Variants in TNFAIP8 observed in about 807,000 individuals in gnomAD.
TNFAIP8 encodes the protein TNF alpha induced protein 8.
Under a neutral mutation model 13.3 loss-of-function variants are expected in TNFAIP8, and 7 were observed. The observed-to-expected ratio is 0.52, with a 90% CI of 0.30 to 0.99. TNFAIP8 has a LOEUF of 0.99. TNFAIP8 is among the 50% of genes least tolerant of loss of function. The pLI, the probability that TNFAIP8 is intolerant of heterozygous loss-of-function variation, is 0.07. For missense variants in TNFAIP8, 258 were observed against 236.9 expected, an observed-to-expected ratio of 1.09 and a Z score of -0.58; for synonymous variants, 94 against 87.6, an observed-to-expected ratio of 1.07 and a Z score of -0.41.
At chr5:119,355,447 A>C, upstream of TNFAIP8, 1 of 693,570 alleles carries the variant, frequency 1.4e-6, no homozygotes, top group Non-Finnish European at 2.6e-6. Context: ...GGGACTTGTG[A>C]AATTGTGCTC....
intron 1 of TNFAIP8, among the ~76,000 whole-genome samples, chr5:119,275,376 G>C (rs1303678925): frequency 6.6e-6 from 1 of 152,180 alleles, no homozygotes; most frequent in African/African-American, 2.4e-5. Context: ...CAGTATGCCA[G>C]CTGACTTAAG....
At chr5:119,355,331 C>T (rs568665405), upstream of TNFAIP8, 1 of 702,262 alleles carries the variant, frequency 1.4e-6, no homozygotes, top group African/African-American at 1.7e-5. Context: ...CTTGGAGTAC[C>T]AGTGCTCGCC....
chr5:119,307,138 A>G (rs750649802), intron 1 of TNFAIP8, among the ~76,000 whole-genome samples: 5 of 152,218 alleles, frequency 3.3e-5, no homozygotes, highest in Non-Finnish European at 2.9e-5. Context: ...ATCAGTTCAT[A>G]TTAGGAAGGA....
intron 1 of TNFAIP8, among the ~76,000 whole-genome samples, chr5:119,380,282 A>G (rs900227030): frequency 9.2e-5 from 14 of 152,284 alleles, no homozygotes; most frequent in Admixed American, 5.2e-4. Flanking sequence ...TGTGGCCAGG[A>G]GCAACCTGAT....
intron 1 of TNFAIP8, among the ~76,000 whole-genome samples, chr5:119,285,443 CT>C (rs5870847): frequency 0.088 from 13,342 of 152,148 alleles, 822 homozygotes; most frequent in African/African-American, 0.18. Context: ...ATGAGGAATT[CT>C]GCACAAGTGG....
At position 119,374,223 on chromosome 5, in the gene TNFAIP8, A is replaced by G. The variant is rs115619213; in HGVS notation, c.31+18102A>G. 2.9e-3 allele frequency among the ~76,000 whole-genome samples: 447 copies of G among 152,172 alleles called. 2 individuals carry two copies. The highest frequency in any genetic ancestry group is 0.01 in the African/African-American group (430 of 41,496). Reference sequence around the variant, plus strand: ...TTTTTCAGATTTTTGGAATATTTGCATTATACTTACTGGTTGAGCATCCTA... The same window carrying G: ...TTTTTCAGATTTTTGGAATATTTGCGTTATACTTACTGGTTGAGCATCCTA... On this transcript the variant is annotated intron_variant, in intron 1 of 1. Transcript: ENST00000504771.
intron 1 of TNFAIP8, among the ~76,000 whole-genome samples, chr5:119,320,427 T>C (rs760685594): frequency 5.3e-5 from 8 of 152,188 alleles, no homozygotes; most frequent in Non-Finnish European, 5.9e-5. Flanking sequence ...CTCTATTCAA[T>C]GTAGCCTTCC....
At chr5:119,292,178 C>T (rs12109360) in intron 1 of TNFAIP8, among the ~76,000 whole-genome samples, 1,535 of 151,996 alleles carry the variant, frequency 0.01, 17 homozygotes, top group African/African-American at 0.035. Context: ...TAAAGGGGAG[C>T]CCCAGAAGGA....
chr5:119,317,981 G>A (rs114430473), intron 1 of TNFAIP8, among the ~76,000 whole-genome samples: 93 of 152,230 alleles, frequency 6.1e-4, no homozygotes, highest in African/African-American at 2.1e-3. Context: ...AAAGATCTTC[G>A]TCATAAATAA....
intron 1 of TNFAIP8, among the ~76,000 whole-genome samples, chr5:119,348,907 A>T (rs250309): frequency 0.21 from 28,117 of 135,256 alleles, 4,044 homozygotes; most frequent in East Asian, 0.37. Context: ...AAAAAAAAAA[A>T]GAATAGACAA....
chr5:119,341,655 A>G (rs1343917031), intron 1 of TNFAIP8, among the ~76,000 whole-genome samples: 1 of 152,036 alleles, frequency 6.6e-6, no homozygotes, highest in Non-Finnish European at 1.5e-5. Context: ...CAAAATTTTC[A>G]CCCACAGATT....
At chr5:119,268,956 C>T in intron 1 of TNFAIP8, 1 of 672,916 alleles carries the variant, frequency 1.5e-6, no homozygotes, top group Non-Finnish European at 2.7e-6. Context: ...CAGCGCGCCT[C>T]TCCCGCCGCT....
At chr5:119,281,988 A>G (rs1283528663) in intron 1 of TNFAIP8, among the ~76,000 whole-genome samples, 1 of 152,184 alleles carries the variant, frequency 6.6e-6, no homozygotes, top group Non-Finnish European at 1.5e-5. Context: ...TTCTGACGTA[A>G]ACTATTGTTG....
chr5:119,347,498 T>C (rs1386691426), intron 1 of TNFAIP8, among the ~76,000 whole-genome samples: 1 of 152,210 alleles, frequency 6.6e-6, no homozygotes, highest in African/African-American at 2.4e-5. Context: ...ATATCATCTT[T>C]TTTAGGTAGG....
intron 1 of TNFAIP8, among the ~76,000 whole-genome samples, chr5:119,295,540 G>A (rs540769036): frequency 6.6e-6 from 1 of 152,098 alleles, no homozygotes; most frequent in Middle Eastern, 3.2e-3. Context: ...TAGCCTTGTA[G>A]TATAGTTTGA....
chr5:119,343,963 C>G (rs1293630142), intron 1 of TNFAIP8, among the ~76,000 whole-genome samples: 1 of 152,172 alleles, frequency 6.6e-6, no homozygotes, highest in Admixed American at 6.5e-5. Context: ...CCTTTTCAAA[C>G]CACTCATATC....
At chr5:119,341,039 A>G (rs900983479) in intron 1 of TNFAIP8, among the ~76,000 whole-genome samples, 1 of 149,274 alleles carries the variant, frequency 6.7e-6, no homozygotes, top group Non-Finnish European at 1.5e-5. Flanking sequence ...AGCCGTAGAC[A>G]CCTTTTATTC....
At chr5:119,328,987 T>C (rs2112702446) in intron 1 of TNFAIP8, among the ~76,000 whole-genome samples, 1 of 152,374 alleles carries the variant, frequency 6.6e-6, no homozygotes, top group East Asian at 1.9e-4. Flanking sequence ...AATGCTGATT[T>C]AGTGTTTTCA....
At chr5:119,325,683 C>T (rs1200312389) in intron 1 of TNFAIP8, among the ~76,000 whole-genome samples, 1 of 152,192 alleles carries the variant, frequency 6.6e-6, no homozygotes, top group African/African-American at 2.4e-5. Flanking sequence ...CTCCTGACCT[C>T]GTGATCCGCC....
Sources: allele counts gnomAD v4.1 joint callset (sites outside exome capture counted in the v4.1 genomes callset), GRCh38; gene constraint gnomAD v4.1.1; transcripts MANE v1.5; gene names NCBI Gene and HGNC (gene_info 2026-07-23, HGNC 2026-07-21).